ADAMTS16: variants seen among roughly 807,000 people sequenced by gnomAD.
ADAMTS16 encodes ADAM metallopeptidase with thrombospondin type 1 motif 16, also known as A disintegrin and metalloproteinase with thrombospondin motifs 16.
Under a neutral mutation model 145.8 loss-of-function variants are expected in ADAMTS16, and 94 were observed. That is an observed-to-expected ratio of 0.64 (90% CI 0.55 to 0.77). The LOEUF is 0.77. Ranked by LOEUF, ADAMTS16 falls within the 30% of genes least tolerant of loss-of-function variation. ADAMTS16 has a pLI of 0.00. For synonymous variants in ADAMTS16, 659 were observed against 604.3 expected (o/e 1.09, Z -1.33); for missense variants, 1,585 against 1,591.5 (o/e 1.00, Z 0.07).
chr5:5,251,511 G>A (rs1354963620), intron 17 of ADAMTS16, among the ~76,000 whole-genome samples: 2 of 152,192 alleles, frequency 1.3e-5, no homozygotes, highest in Non-Finnish European at 2.9e-5. Context: ...CAAATGGGGT[G>A]GTTTCTAAAA....
intron 18 of ADAMTS16, among the ~76,000 whole-genome samples, chr5:5,287,868 G>A (rs1324515182): frequency 6.6e-6 from 1 of 152,118 alleles, no homozygotes; most frequent in African/African-American, 2.4e-5. Flanking sequence ...CACAGCCCAC[G>A]CACTGGTGGA....
chr5:5,213,261 C>G (rs1736326212), intron 10 of ADAMTS16, among the ~76,000 whole-genome samples: 1 of 152,138 alleles, frequency 6.6e-6, no homozygotes, highest in African/African-American at 2.4e-5. Flanking sequence ...GGTATCATTT[C>G]CCTAAGGCCT....
chr5:5,187,019 C>T (rs774528665), intron 5 of ADAMTS16, among the ~76,000 whole-genome samples: 21 of 152,222 alleles, frequency 1.4e-4, no homozygotes, highest in Non-Finnish European at 2.4e-4. Flanking sequence ...GATTTCTGGG[C>T]TCCCAGGAAG....
chr5:5,216,956 A>G (rs919552758), intron 10 of ADAMTS16, among the ~76,000 whole-genome samples: 38 of 151,808 alleles, frequency 2.5e-4, no homozygotes, highest in African/African-American at 8.7e-4. Flanking sequence ...TTATGGCTGC[A>G]TAGTATTCCA....
intron 3 of ADAMTS16, chr5:5,176,053 TC>T (rs1735187408): frequency 6.6e-6 from 1 of 151,382 alleles, no homozygotes; most frequent in Non-Finnish European, 1.5e-5. Flanking sequence ...AATCTGGTGC[TC>T]CTGTGAGGAG....
chr5:5,164,016 A>ACT (rs1226438291), intron 3 of ADAMTS16, among the ~76,000 whole-genome samples: 1 of 152,114 alleles, frequency 6.6e-6, no homozygotes, highest in Non-Finnish European at 1.5e-5. Flanking sequence ...ATCACACCCC[A>ACT]CCCACACCGG....
At chr5:5,183,790 T>C (rs578138686) in intron 4 of ADAMTS16, among the ~76,000 whole-genome samples, 234 of 152,230 alleles carry the variant, frequency 1.5e-3, no homozygotes, top group African/African-American at 5.1e-3. Context: ...CGTGTGTGTG[T>C]AGTGTGTGTT....
intron 17 of ADAMTS16, among the ~76,000 whole-genome samples, chr5:5,245,196 G>A (rs1737402756): frequency 6.6e-6 from 1 of 152,118 alleles, no homozygotes; most frequent in Admixed American, 6.5e-5. Flanking sequence ...TTCATTAGGT[G>A]TATCCCATTG....
intron 3 of ADAMTS16, among the ~76,000 whole-genome samples, chr5:5,172,034 G>C (rs1223316247): frequency 6.6e-6 from 1 of 151,978 alleles, no homozygotes; most frequent in Admixed American, 6.6e-5. Flanking sequence ...ATTTCTTCTA[G>C]GCTTTCCAAT....
intron 18 of ADAMTS16, among the ~76,000 whole-genome samples, chr5:5,266,360 C>T (rs1053263337): frequency 4.6e-5 from 7 of 152,130 alleles, no homozygotes; most frequent in Non-Finnish European, 1.0e-4. Context: ...CATCTGCAAA[C>T]CCCACAGGAC....
At chr5:5,153,706 AG>A (rs1309828427) in intron 3 of ADAMTS16, among the ~76,000 whole-genome samples, 1 of 152,186 alleles carries the variant, frequency 6.6e-6, no homozygotes, top group African/African-American at 2.4e-5. Context: ...GATTTTTCTT[AG>A]GATTTTCTGA....
chr5:5,242,449 G>C (rs1215571021), intron 17 of ADAMTS16, among the ~76,000 whole-genome samples: 3 of 152,098 alleles, frequency 2.0e-5, no homozygotes, highest in African/African-American at 4.8e-5. Flanking sequence ...TCTAATTTAA[G>C]GTTTTTTAGA....
chr5:5,248,890 T>G (rs1367020283), intron 17 of ADAMTS16, among the ~76,000 whole-genome samples: 1 of 152,222 alleles, frequency 6.6e-6, no homozygotes, highest in Non-Finnish European at 1.5e-5. Flanking sequence ...GTCTTACTGT[T>G]TATATGGCTT....
rs533855998 is a variant in ADAMTS16 at position 5,317,964 on chromosome 5, G to C, written c.3412-170G>C. 2.0e-5 allele frequency among the ~76,000 whole-genome samples: 3 copies of C among 152,238 alleles called. No individual in the cohort carries two copies. Among genetic ancestry groups the C allele is most frequent in the Non-Finnish European group, 4.4e-5 (3 of 68,040 alleles). On this transcript the variant is annotated intron_variant, in intron 21 of 22. Coordinates refer to ENST00000274181, the MANE Select transcript of ADAMTS16 (RefSeq NM_139056.4). This position sits in a 1 kb window ranked among gnomAD's most constrained non-coding sequence, Gnocchi z 4.5. ...TCTGGAAAAGGTGAGCAGGGACCGT[G>C]CTCACTCGCGCACATCGTGGCCAAC...
At chr5:5,221,668 G>A (rs955260191) in intron 10 of ADAMTS16, among the ~76,000 whole-genome samples, 3 of 152,230 alleles carry the variant, frequency 2.0e-5, no homozygotes, top group African/African-American at 7.2e-5. Flanking sequence ...ATACGAAGCT[G>A]TGTCTTTAAT....
At chr5:5,264,905 A>G (rs1738178957) in intron 18 of ADAMTS16, among the ~76,000 whole-genome samples, 1 of 152,206 alleles carries the variant, frequency 6.6e-6, no homozygotes, top group Non-Finnish European at 1.5e-5. Flanking sequence ...ACGATGCTCC[A>G]TGGCCCTCAC....
chr5:5,251,757 T>G (rs544202969), intron 17 of ADAMTS16, among the ~76,000 whole-genome samples: 23 of 152,340 alleles, frequency 1.5e-4, no homozygotes, highest in Non-Finnish European at 3.1e-4. Flanking sequence ...GCCAGCAGAT[T>G]CAGCATCACT....
chr5:5,297,146 A>G (rs1015728295), intron 18 of ADAMTS16, among the ~76,000 whole-genome samples: 11 of 152,316 alleles, frequency 7.2e-5, no homozygotes, highest in African/African-American at 2.6e-4. Flanking sequence ...AATGCAATCA[A>G]TGCTGGAGCC....
At chr5:5,264,078 G>A (rs948251774) in intron 18 of ADAMTS16, among the ~76,000 whole-genome samples, 3 of 152,176 alleles carry the variant, frequency 2.0e-5, no homozygotes, top group Non-Finnish European at 2.9e-5. Flanking sequence ...CTGAGCCTGG[G>A]GTCTTTAGAG....
Sources: allele counts gnomAD v4.1 joint callset (sites outside exome capture counted in the v4.1 genomes callset), GRCh38; gene constraint gnomAD v4.1.1; non-coding constraint Gnocchi (gnomAD v3.1); transcripts MANE v1.5; gene names NCBI Gene and HGNC (gene_info 2026-07-23, HGNC 2026-07-21).